CEACAM19: variants seen among roughly 807,000 people sequenced by gnomAD.
The protein encoded by CEACAM19 is CEA cell adhesion molecule 19, also known as cell adhesion molecule CEACAM19.
In CEACAM19, 37 loss-of-function variants were observed where a neutral mutation model predicts 37.6. The observed-to-expected ratio is 0.98, with a 90% confidence interval of 0.76 to 1.29. The LOEUF is 1.29. CEACAM19 is among the 50% of genes most tolerant of loss of function. The pLI is 0.00. For missense variants in CEACAM19, 340 were observed against 375.6 expected (o/e 0.91, Z 0.78); for synonymous variants, 140 against 149.8 (o/e 0.93, Z 0.48).
At chr19:44,676,657 C>T (rs952429133) in intron 3 of CEACAM19, among the ~76,000 whole-genome samples, 5 of 152,210 alleles carry the variant, frequency 3.3e-5, no homozygotes, top group African/African-American at 9.6e-5. Context: ...GGGTCTCGCT[C>T]TGTCACCCAG....
At chr19:44,678,360 C>G (rs1017040892) in intron 3 of CEACAM19, 2 of 152,440 alleles carry the variant, frequency 1.3e-5, no homozygotes, top group African/African-American at 4.8e-5. Context: ...CTCAAGCCAT[C>G]CTCCCATCTC....
At chr19:44,682,646 T>C (rs1974082543) in intron 7 of CEACAM19, 26 bp downstream of exon 7, 1 of 1,583,336 alleles carries the variant, frequency 6.3e-7, no homozygotes, top group South Asian at 1.1e-5. Flanking sequence ...CTGGGAGGGG[T>C]GGTGGGGATC....
In CEACAM19 at chr19:44,683,444, T is replaced by C. The variant is rs774323158; in HGVS notation, c.854T>C (p.Leu285Pro). 5.2e-5 allele frequency: 81 copies of C among 1,558,074 alleles called. No individual in the cohort carries two copies. Among genetic ancestry groups the C allele is most frequent in the Non-Finnish European group, 6.9e-5 (79 of 1,148,062 alleles). ...TCTCTTCCCCCCAAGCAGGACCTGC[T>C]AAACCCCGACCCTGCCCCCTACTGC... The part of the protein sequence containing the change: ...EPENHQYQDL[L>P]NPDPAPYCQL... The change falls in exon 8 of 8, where the codon CTA becomes CCA. Residue 285 changes from leucine (L) to proline (P), a missense_variant. Leu to Pro is a moderately conservative substitution (Grantham distance 98, BLOSUM62 -3). Coordinates refer to ENST00000358777, the MANE Select transcript of CEACAM19 (RefSeq NM_001127893.3).
At chr19:44,681,755 C>T (rs893003033) in intron 6 of CEACAM19, among the ~76,000 whole-genome samples, 2 of 151,672 alleles carry the variant, frequency 1.3e-5, no homozygotes, top group African/African-American at 4.8e-5. Flanking sequence ...CATGGTGAAA[C>T]CCCGTCTCTA....
upstream of CEACAM19, among the ~76,000 whole-genome samples, chr19:44,667,939 ATATATAAAT>A (rs1348243905): frequency 3.9e-5 from 3 of 77,602 alleles, no homozygotes; most frequent in Non-Finnish European, 6.2e-5. Flanking sequence ...TATATAAAAT[ATATATAAAT>A]TATATAAATC....
chr19:44,672,520 T>G (rs994317513), intron 1 of CEACAM19, 76 bp from the exon 2 acceptor site: 43 of 1,371,044 alleles, frequency 3.1e-5, no homozygotes, highest in Non-Finnish European at 4.0e-5. Context: ...CCGCTGAAGA[T>G]CTGTATCTAG....
rs375046243 is a variant in CEACAM19 at position 44,666,323 on chromosome 19, T to A, written c.-320+3925T>A. Among the ~76,000 whole-genome samples, 7 of 152,102 alleles carry A rather than the reference T, an allele frequency of 4.6e-5. No homozygotes were observed. The East Asian group carries it at 1.4e-3, about 29-fold the overall frequency. The stretch of plus-strand genomic sequence containing the variant: ...TCCATGCCTGGAAATAACTGCTGGG[T>A]TTGCAACAACTTCTCTCCCGGAGAC... On this transcript the variant is annotated intron_variant, in intron 1 of 3. Transcript: ENST00000591979.
At chr19:44,668,777 T>C (rs1973810763), upstream of CEACAM19, among the ~76,000 whole-genome samples, 1 of 113,942 alleles carries the variant, frequency 8.8e-6, no homozygotes, top group Non-Finnish European at 1.6e-5. Flanking sequence ...ATATAATATA[T>C]AATTATATAT....
intron 7 of CEACAM19, 65 bp downstream of exon 7, chr19:44,682,685 G>C: frequency 2.0e-6 from 3 of 1,470,820 alleles, no homozygotes; most frequent in Non-Finnish European, 2.8e-6. Context: ...CGAAGCCGGG[G>C]TGGGGAGGGG....
At chr19:44,668,675 A>G (rs1973803863), upstream of CEACAM19, among the ~76,000 whole-genome samples, 1 of 48,404 alleles carries the variant, frequency 2.1e-5, no homozygotes, top group East Asian at 6.2e-4. Flanking sequence ...ATATACATAT[A>G]TTATATATTA....
chr19:44,679,462 AGCATGGGCCAG>A (rs1423256216), intron 4 of CEACAM19, among the ~76,000 whole-genome samples: 2 of 151,964 alleles, frequency 1.3e-5, no homozygotes, highest in African/African-American at 4.8e-5. Flanking sequence ...AAATTAGCAG[AGCATGGGCCAG>A]GCATGGTGCC....
chr19:44,668,316 T>TATATATAA (rs1342899406), upstream of CEACAM19, among the ~76,000 whole-genome samples: 1 of 74,328 alleles, frequency 1.3e-5, no homozygotes, highest in African/African-American at 6.4e-5. Flanking sequence ...TTATATATTA[T>TATATATAA]TATATTTATA....
Position 44,671,872 on chromosome 19 carries a change from C to A in CEACAM19, c.-60C>A. On this transcript the variant is annotated 5_prime_UTR_variant, in exon 1 of 8. Transcript: ENST00000358777. ...GCCTACTTCAGACAGCCAGGGCCCACCCCTCTGGCCCCCTTAGTGTCCAGC... is the reference window on the plus strand; with the variant it reads ...GCCTACTTCAGACAGCCAGGGCCCAACCCTCTGGCCCCCTTAGTGTCCAGC... 2 of 1,478,940 alleles carry A rather than the reference C, an allele frequency of 1.4e-6. No individual in the cohort carries two copies. Among genetic ancestry groups the A allele is most frequent in the Admixed American group, 1.9e-5 (1 of 52,678 alleles). 91.6% of individuals were successfully genotyped at this position (1,478,940 alleles called of 1,614,324 possible).
intron 5 of CEACAM19, among the ~76,000 whole-genome samples, 172 bp downstream of exon 5, chr19:44,680,506 C>T (rs905738064): frequency 1.3e-5 from 2 of 151,874 alleles, no homozygotes; most frequent in African/African-American, 2.4e-5. Context: ...CGCATCGGCA[C>T]CCACCCCAAA....
At chr19:44,681,137 G>GAATA (rs1974050251) in intron 5 of CEACAM19, 90 bp from the exon 6 acceptor site, 1 of 892,276 alleles carries the variant, frequency 1.1e-6, no homozygotes. Context: ...AATGTTAGTT[G>GAATA]AATAAATAAA....
At chr19:44,670,925 G>A (rs961077712), upstream of CEACAM19, among the ~76,000 whole-genome samples, 8 of 151,548 alleles carry the variant, frequency 5.3e-5, no homozygotes, top group Non-Finnish European at 8.8e-5. Flanking sequence ...GAGAAACCCT[G>A]TCTCTACTAA....
At position 44,680,294 on chromosome 19, in the gene CEACAM19, G is replaced by A. The variant is rs1166244989; in HGVS notation, c.666G>A (p.Ala222=). 2 of 1,609,020 alleles carry A rather than the reference G, an allele frequency of 1.2e-6. No homozygotes were observed. Among genetic ancestry groups the A allele is most frequent in the African/African-American group, 1.3e-5 (1 of 74,592 alleles). Residue 222 remains alanine, a synonymous_variant, in exon 5 of 8, where the codon GCG becomes GCA. Transcript: ENST00000358777. The stretch of plus-strand genomic sequence containing the variant: ...TCCCTCTATGTGTCCCCAGGATGGC[G>A]ACCACAGAGAAGCCAGAATTGGGCC... ...VPSVTPSTWM[A]TTEKPELGPA...
At chr19:44,671,249 G>C (rs150825555), upstream of CEACAM19, 14 of 154,828 alleles carry the variant, frequency 9.0e-5, no homozygotes, top group African/African-American at 3.4e-4. Flanking sequence ...AGCCTCTCCA[G>C]TTGCTGGGAT....
chr19:44,681,108 TA>T (rs1463547948), intron 5 of CEACAM19, 118 bp from the exon 6 acceptor site: 2 of 724,704 alleles, frequency 2.8e-6, no homozygotes, highest in African/African-American at 3.5e-5. Context: ...TGGGTTTGGC[TA>T]GAAGAAGCGT....
Sources: gnomAD v4.1 joint callset for allele counts (sites outside exome capture counted in the v4.1 genomes callset) on GRCh38, gnomAD v4.1.1 for gene constraint, MANE v1.5 for transcripts, NCBI Gene and HGNC (gene_info 2026-07-23, HGNC 2026-07-21) for gene names.